Variants in AK9 observed in about 807,000 individuals in gnomAD.
The protein encoded by AK9 is adenylate kinase domain containing 1.
AK9 carries 191 observed loss-of-function variants against 239.6 expected under a neutral mutation model. The ratio of observed to expected loss-of-function variants is 0.80; its 90% CI spans 0.71 to 0.90. The LOEUF is 0.90. Ranked by LOEUF, AK9 falls within the 40% of genes least tolerant of loss-of-function variation. AK9 has a pLI of 0.00. For missense variants in AK9, 1,995 were observed against 2,214.7 expected (o/e 0.90, Z 1.99); for synonymous variants, 689 against 721.0 (o/e 0.96, Z 0.71).
chr6:109,605,568 G>A (rs1005481753), intron 17 of AK9, among the ~76,000 whole-genome samples: 1 of 152,096 alleles, frequency 6.6e-6, no homozygotes, highest in Non-Finnish European at 1.5e-5. Flanking sequence ...TGATTCTGAT[G>A]CAAATGGATA....
intron 27 of AK9, among the ~76,000 whole-genome samples, chr6:109,538,314 G>A (rs1408763495): frequency 6.6e-6 from 1 of 152,158 alleles, no homozygotes; most frequent in Non-Finnish European, 1.5e-5. Flanking sequence ...ATATATTTAG[G>A]ATAGTTAGCT....
At chr6:109,619,268 GC>G in intron 12 of AK9, 32 bp from the exon 13 acceptor site, 1 of 1,531,346 alleles carries the variant, frequency 6.5e-7, no homozygotes, top group Admixed American at 2.2e-5. Context: ...ATCGACATAA[GC>G]AGGAGTTATT....
At chr6:109,611,595 A>C (rs971385065) in intron 16 of AK9, among the ~76,000 whole-genome samples, 2 of 152,172 alleles carry the variant, frequency 1.3e-5, no homozygotes, top group African/African-American at 4.8e-5. Context: ...ACTCGCATGC[A>C]CATGTGCTCC....
rs376014515 is a variant in AK9, at chr6:109,495,474, C to T, written c.5316-34G>A. On this transcript the variant is annotated intron_variant, in intron 38 of 40. Transcript: ENST00000424296. ...ACAAAGTTCATTAGATGGATGCTCA[C>T]AGTTATACTCAGTGTGTATAGATAG... 8 of 1,470,198 alleles carry T rather than the reference C, an allele frequency of 5.4e-6. No individual in the cohort carries two copies. The African/African-American group carries it at 7.0e-5, about 13-fold the overall frequency. 91.1% of individuals were successfully genotyped at this position (1,470,198 alleles called of 1,614,324 possible).
intron 32 of AK9, 48 bp from the exon 33 acceptor site, chr6:109,509,428 G>C (rs1339245541): frequency 6.7e-7 from 1 of 1,487,168 alleles, no homozygotes; most frequent in South Asian, 1.2e-5. Context: ...TTAGATTCAG[G>C]GGGGACATGT....
chr6:109,666,927 A>G (rs1020631155), intron 5 of AK9, among the ~76,000 whole-genome samples: 21 of 152,350 alleles, frequency 1.4e-4, no homozygotes, highest in African/African-American at 5.0e-4. Flanking sequence ...GGGAATGCCC[A>G]GACTGGGGCT....
At chr6:109,613,695 CTATAA>C (rs1388926294) in intron 15 of AK9, among the ~76,000 whole-genome samples, 11 of 151,014 alleles carry the variant, frequency 7.3e-5, no homozygotes, top group Non-Finnish European at 1.2e-4. Context: ...TATAGCTATT[CTATAA>C]TATATTACAG....
chr6:109,600,434 G>C lies in AK9; in HGVS notation c.1842+9931C>G, dbSNP rs1032896043. ...TGCATCCCAGGGATGAAGCCCACTTGATCATGGTGGATAAGCTTTTTCATG... is the reference window on the plus strand; with the variant it reads ...TGCATCCCAGGGATGAAGCCCACTTCATCATGGTGGATAAGCTTTTTCATG... On this transcript the variant is annotated intron_variant, in intron 17 of 40. Transcript: ENST00000424296. Among the ~76,000 whole-genome samples the C allele has an allele frequency of 7.4e-4, 112 of 152,316 alleles. 1 individual carries two copies. The highest frequency in any genetic ancestry group is 2.6e-3 in the African/African-American group (109 of 41,570).
At chr6:109,599,819 T>G (rs2128227288) in intron 17 of AK9, among the ~76,000 whole-genome samples, 1 of 152,278 alleles carries the variant, frequency 6.6e-6, no homozygotes, top group African/African-American at 2.4e-5. Context: ...TCCTAGGTAT[T>G]TTATTCTCTT....
At chr6:109,688,729 A>G (rs1687796603) in intron 1 of AK9, among the ~76,000 whole-genome samples, 1 of 152,146 alleles carries the variant, frequency 6.6e-6, no homozygotes, top group African/African-American at 2.4e-5. Flanking sequence ...CTATCAGGGG[A>G]CCCAGTAAAG....
At chr6:109,661,060 T>C in intron 6 of AK9, 1 of 364,120 alleles carries the variant, frequency 2.7e-6, no homozygotes, top group Non-Finnish European at 5.4e-6. Context: ...TTATGGATCT[T>C]GGGCTAAGAG....
chr6:109,522,860 C>G (rs1224644107), intron 29 of AK9, among the ~76,000 whole-genome samples: 1 of 152,124 alleles, frequency 6.6e-6, no homozygotes, highest in African/African-American at 2.4e-5. Flanking sequence ...TATCACACTT[C>G]TATTTAAGAT....
At chr6:109,533,790 T>C (rs970572254) in intron 27 of AK9, among the ~76,000 whole-genome samples, 7 of 152,144 alleles carry the variant, frequency 4.6e-5, no homozygotes, top group African/African-American at 1.4e-4. Context: ...ATTCCATACA[T>C]ATATTTATAA....
intron 17 of AK9, among the ~76,000 whole-genome samples, chr6:109,590,345 T>G (rs910507321): frequency 6.6e-6 from 1 of 152,198 alleles, no homozygotes; most frequent in Non-Finnish European, 1.5e-5. Context: ...GTTTTCCAGC[T>G]TGTATGCACA....
intron 1 of AK9, among the ~76,000 whole-genome samples, chr6:109,685,843 C>T (rs906067281): frequency 5.3e-5 from 8 of 152,182 alleles, no homozygotes; most frequent in Non-Finnish European, 1.0e-4. Context: ...GTGATACCAA[C>T]CACAATTTAA....
Position 109,502,601 on chromosome 6 carries a change from G to T in AK9, c.4850-3361C>A, listed in dbSNP as rs73520977. ...ACATTTTTGTTGTTTAAGCCATCCA[G>T]TTTGCGGCAGTTTGTTTCAGCAGCC... is the stretch of plus-strand genomic sequence containing the variant. On this transcript the variant is annotated intron_variant, in intron 35 of 40. Transcript: ENST00000424296. Among the ~76,000 whole-genome samples, 949 of 152,352 alleles carry T rather than the reference G, an allele frequency of 6.2e-3. 16 individuals carry two copies. Among genetic ancestry groups the T allele is most frequent in the African/African-American group, 0.022 (902 of 41,578 alleles).
intron 7 of AK9, 52 bp from the exon 8 acceptor site, chr6:109,656,936 T>C: frequency 6.3e-7 from 1 of 1,592,202 alleles, no homozygotes; most frequent in South Asian, 1.1e-5. Context: ...GACTATTCAA[T>C]TTACAAGCCA....
In AK9 at chr6:109,682,115, C is replaced by T. The variant is rs149700293; in HGVS notation, c.-11-6359G>A. 5.0e-3 allele frequency among the ~76,000 whole-genome samples: 761 copies of T among 152,072 alleles called. 7 individuals carry two copies. The highest frequency in any genetic ancestry group is 0.037 in the Middle Eastern group (11 of 294). ...AGCAGAACTGAAAGAGATAGAGACACGACAAACCCTTCAAAAAATCAATGA... is the reference window on the plus strand; with the variant it reads ...AGCAGAACTGAAAGAGATAGAGACATGACAAACCCTTCAAAAAATCAATGA... On this transcript the variant is annotated intron_variant, in intron 1 of 40. Coordinates refer to ENST00000424296, the MANE Select transcript of AK9 (RefSeq NM_001145128.3).
intron 23 of AK9, 132 bp from the exon 24 acceptor site, chr6:109,563,844 G>C: frequency 1.6e-6 from 2 of 1,223,894 alleles, no homozygotes; most frequent in Non-Finnish European, 2.2e-6. Context: ...TATGCAAATA[G>C]GCCTTTATAA....
Sources: gnomAD v4.1 joint callset for allele counts (sites outside exome capture counted in the v4.1 genomes callset) on GRCh38, gnomAD v4.1.1 for gene constraint, MANE v1.5 for transcripts, NCBI Gene and HGNC (gene_info 2026-07-23, HGNC 2026-07-21) for gene names.